SUMF1: variants seen among roughly 807,000 people sequenced by gnomAD.
SUMF1 encodes sulfatase modifying factor 1.
SUMF1 carries 48 observed loss-of-function variants against 47.6 expected under a neutral mutation model. That is an observed-to-expected ratio of 1.01 (90% confidence interval 0.80 to 1.28). The LOEUF (loss-of-function observed/expected upper bound fraction) is 1.28, where lower values mean the gene tolerates loss of function less well. Among genes scored for constraint, SUMF1 ranks in the 50% most tolerant of loss-of-function variants. The pLI, the probability that SUMF1 is intolerant of heterozygous loss-of-function variation, is 0.00. For missense variants in SUMF1, 571 were observed against 485.4 expected (o/e 1.18, Z -1.66); for synonymous variants, 230 against 192.1 (o/e 1.20, Z -1.63).
intron 8 of SUMF1, among the ~76,000 whole-genome samples, chr3:4,268,079 C>T (rs1202340637): frequency 3.3e-5 from 5 of 152,192 alleles, no homozygotes; most frequent in African/African-American, 1.2e-4. Flanking sequence ...AGTTCATGTT[C>T]TTTGTAGGGA....
intron 8 of SUMF1, among the ~76,000 whole-genome samples, chr3:4,142,640 T>C (rs1020029105): frequency 6.6e-6 from 1 of 152,096 alleles, no homozygotes; most frequent in African/African-American, 2.4e-5. Context: ...CATCATTTTA[T>C]GTGTTTGAAA....
At chr3:4,336,052 G>A (rs1474795510) in intron 8 of SUMF1, among the ~76,000 whole-genome samples, 1 of 151,274 alleles carries the variant, frequency 6.6e-6, no homozygotes, top group Non-Finnish European at 1.5e-5. Flanking sequence ...AATCTACCCG[G>A]AGAATCCCTC....
chr3:4,157,492 G>C (rs1177886385), intron 8 of SUMF1, among the ~76,000 whole-genome samples: 1 of 151,400 alleles, frequency 6.6e-6, no homozygotes, highest in African/African-American at 2.4e-5. Context: ...TAAATCAATA[G>C]TTCTCTTCTT....
intron 8 of SUMF1, among the ~76,000 whole-genome samples, chr3:4,163,363 A>AAAGGAAGGAAGGAAGGAAGGAAGAAGG (rs1559525206): frequency 6.3e-4 from 20 of 31,520 alleles, no homozygotes; most frequent in African/African-American, 2.7e-3. Flanking sequence ...AGAGAGAGAG[A>AAAGGAAGGAAGGAAGGAAGGAAGAAGG]AAGGAAGGAA....
chr3:4,360,265 C>A (rs1575128856), downstream of SUMF1, among the ~76,000 whole-genome samples: 1 of 124,356 alleles, frequency 8.0e-6, no homozygotes, highest in African/African-American at 3.2e-5. Flanking sequence ...TGTAGAGAAA[C>A]ATTTGATATC....
At chr3:4,425,028 C>T (rs143804004) in intron 3 of SUMF1, among the ~76,000 whole-genome samples, 100 of 152,202 alleles carry the variant, frequency 6.6e-4, no homozygotes, top group Middle Eastern at 3.4e-3. Context: ...ATGCCAACTG[C>T]GGCAGACAAA....
intron 8 of SUMF1, among the ~76,000 whole-genome samples, chr3:4,133,423 T>A (rs1456785508): frequency 1.3e-5 from 2 of 152,108 alleles, no homozygotes; most frequent in African/African-American, 4.8e-5. Context: ...CTTGTGATAG[T>A]TAATACTAAG....
intron 8 of SUMF1, among the ~76,000 whole-genome samples, chr3:4,328,855 T>TA (rs1243142875): frequency 6.6e-6 from 1 of 151,994 alleles, no homozygotes; most frequent in Admixed American, 6.6e-5. Flanking sequence ...CCTGTAAAAT[T>TA]AAAAGCAAGA....
At chr3:4,412,704 T>C (rs544734404) in intron 6 of SUMF1, among the ~76,000 whole-genome samples, 1 of 152,126 alleles carries the variant, frequency 6.6e-6, no homozygotes, top group African/African-American at 2.4e-5. Context: ...GCCAACATGG[T>C]CAAACCCTGT....
intron 8 of SUMF1, among the ~76,000 whole-genome samples, chr3:4,271,101 A>T (rs903140778): frequency 6.6e-6 from 1 of 152,220 alleles, no homozygotes; most frequent in Non-Finnish European, 1.5e-5. Flanking sequence ...AAAGTCACTG[A>T]AAGTGCTATA....
At chr3:4,357,700 C>G (rs1268739846), downstream of SUMF1, among the ~76,000 whole-genome samples, 4 of 151,802 alleles carry the variant, frequency 2.6e-5, no homozygotes, top group East Asian at 7.7e-4. Context: ...CCTCTGCCTC[C>G]CGACTTCAAT....
At chr3:4,330,367 A>G (rs1699025570) in intron 8 of SUMF1, among the ~76,000 whole-genome samples, 1 of 152,224 alleles carries the variant, frequency 6.6e-6, no homozygotes, top group Admixed American at 6.5e-5. Flanking sequence ...ATACAGAAAA[A>G]AGAGGTTTAA....
At chr3:4,357,299 CTA>C (rs1699640532), downstream of SUMF1, among the ~76,000 whole-genome samples, 1 of 144,080 alleles carries the variant, frequency 6.9e-6, no homozygotes, top group South Asian at 2.3e-4. Flanking sequence ...CCAGAAAGCA[CTA>C]TGTTTACGGT....
intron 9 of SUMF1, among the ~76,000 whole-genome samples, chr3:4,050,845 G>A (rs559669956): frequency 6.6e-6 from 1 of 151,744 alleles, no homozygotes; most frequent in East Asian, 1.9e-4. Context: ...ATAGGGCCTG[G>A]CACAAACAGT....
intron 9 of SUMF1, among the ~76,000 whole-genome samples, chr3:4,053,565 G>A (rs1695148020): frequency 6.6e-6 from 1 of 151,934 alleles, no homozygotes; most frequent in African/African-American, 2.4e-5. Context: ...AAGCTATGAG[G>A]AATTCACAAA....
At chr3:4,262,323 T>G (rs924301192) in intron 8 of SUMF1, among the ~76,000 whole-genome samples, 1 of 152,176 alleles carries the variant, frequency 6.6e-6, no homozygotes, top group African/African-American at 2.4e-5. Flanking sequence ...AATTCCATCT[T>G]CAACATTATG....
intron 8 of SUMF1, among the ~76,000 whole-genome samples, chr3:4,189,413 TTAAAA>T (rs1559550623): frequency 6.6e-6 from 1 of 152,170 alleles, no homozygotes; most frequent in African/African-American, 2.4e-5. Flanking sequence ...GTTAATTAAA[TTAAAA>T]TGTCTAAAAT....
intron 8 of SUMF1, among the ~76,000 whole-genome samples, chr3:4,144,004 T>C (rs899992683): frequency 6.6e-6 from 1 of 151,240 alleles, no homozygotes; most frequent in Non-Finnish European, 1.5e-5. Context: ...TTTTTTTTTT[T>C]TTTTTAGACA....
chr3:4,351,784 A>C (rs907145976), intron 8 of SUMF1, among the ~76,000 whole-genome samples: 3 of 152,228 alleles, frequency 2.0e-5, no homozygotes, highest in Admixed American at 2.0e-4. Context: ...TAATTTCTGC[A>C]GTGTGACTAA....
Sources: allele counts gnomAD v4.1 joint callset (sites outside exome capture counted in the v4.1 genomes callset), GRCh38; gene constraint gnomAD v4.1.1; transcripts MANE v1.5; gene names NCBI Gene and HGNC (gene_info 2026-07-23, HGNC 2026-07-21).